FAM76A: variants seen among roughly 807,000 people sequenced by gnomAD.
The protein encoded by FAM76A is protein FAM76A.
In FAM76A, 32 loss-of-function variants were observed where a neutral mutation model predicts 46.2. The ratio of observed to expected loss-of-function variants is 0.69; its 90% CI spans 0.52 to 0.93. The LOEUF (loss-of-function observed/expected upper bound fraction) is 0.93. Ranked by LOEUF, FAM76A falls within the 40% of genes least tolerant of loss-of-function variation. The pLI is 0.00. For missense variants in FAM76A, 274 were observed against 361.5 expected, an observed-to-expected ratio of 0.76 and a Z score of 1.96; for synonymous variants, 137 against 127.0, an observed-to-expected ratio of 1.08 and a Z score of -0.53.
Position 27,759,605 on chromosome 1 carries a change from A to G in FAM76A, c.815A>G (p.Lys272Arg), listed in dbSNP as rs1399830666. The G allele has an allele frequency of 1.2e-6, 2 of 1,613,636 alleles. No individual in the cohort carries two copies. Among genetic ancestry groups the G allele is most frequent in the Non-Finnish European group, 1.7e-6 (2 of 1,179,766 alleles). ...AKMNQMEKTH[K>R]EVTEQLQAKN... ...ATGAACCAGATGGAGAAAACCCACAAAGAAGTCACAGAACAACTGCAGGTG... is the reference window on the plus strand; with the variant it reads ...ATGAACCAGATGGAGAAAACCCACAGAGAAGTCACAGAACAACTGCAGGTG... The change falls in exon 8 of 9, where the codon AAA (lysine) becomes AGA (arginine). Residue 272 changes from lysine (K) to arginine (R), a missense_variant. Transcript: ENST00000373954.
Position 27,755,268 on chromosome 1 carries a change from G to T in FAM76A, c.673G>T (p.Val225Leu), listed in dbSNP as rs1241895548. 6.2e-7 allele frequency: 1 copy of T among 1,614,222 alleles called. No homozygotes were observed. The highest frequency in any genetic ancestry group is 8.5e-7 in the Non-Finnish European group (1 of 1,180,034). ...FVIIAQLKEEVATLKKMLHQK... is the reference protein window; with the variant it reads ...FVIIAQLKEELATLKKMLHQK... ...CATCATTGCCCAACTGAAGGAAGAAGTGGCTACCCTGAAGAAGATGTTGCA... is the reference window on the plus strand; with the variant it reads ...CATCATTGCCCAACTGAAGGAAGAATTGGCTACCCTGAAGAAGATGTTGCA... The change falls in exon 7 of 9, where the codon GTG becomes TTG. Residue 225 changes from valine (V) to leucine (L), a missense_variant. Coordinates refer to ENST00000373954, the MANE Select transcript of FAM76A (RefSeq NM_152660.3).
chr1:27,738,585 AC>A (rs1446105852), intron 4 of FAM76A, among the ~76,000 whole-genome samples: 1 of 152,150 alleles, frequency 6.6e-6, no homozygotes, highest in Non-Finnish European at 1.5e-5. Flanking sequence ...GTTCATTGTT[AC>A]GTTTCTTAAC....
chr1:27,728,106 T>C (rs2087892598), intron 2 of FAM76A, among the ~76,000 whole-genome samples: 1 of 148,572 alleles, frequency 6.7e-6, no homozygotes. Context: ...ACGCCCAGCC[T>C]GCTTAAATTT....
intron 4 of FAM76A, among the ~76,000 whole-genome samples, chr1:27,737,868 C>CAAAAAAAAAAAAAAAAAAAAAAAAAAAAA (rs71571865): frequency 1.6e-5 from 1 of 62,704 alleles, no homozygotes; most frequent in African/African-American, 4.7e-5. Flanking sequence ...ACAACAACAA[C>CAAAAAAAAAAAAAAAAAAAAAAAAAAAAA]AAAAAAAAAA....
intron 4 of FAM76A, chr1:27,740,188 C>CA: frequency 1.7e-6 from 1 of 576,332 alleles, no homozygotes; most frequent in Non-Finnish European, 3.3e-6. Context: ...TGGGTAAAAT[C>CA]AATAGCTATA....
chr1:27,730,170 CT>C, intron 2 of FAM76A: 1 of 201,932 alleles, frequency 5.0e-6, no homozygotes. Context: ...TTTTTCTTTT[CT>C]TTTTCTTTTC....
rs769358664 is a variant in FAM76A at position 27,727,477 on chromosome 1, T to C, written c.87T>C (p.Cys29=). ...LSQGQQLCKE[C]RIAHPVVKCT... ...ATATCCTCATTTCATTTCAGGAATG[T>C]CGGATTGCACACCCTGTTGTGAAGT... The change falls in exon 2 of 9, where the codon TGT becomes TGC. Residue 29 remains cysteine (C), a synonymous_variant. Transcript: ENST00000373954. The C allele has an allele frequency of 2.5e-6, 4 of 1,613,570 alleles. No homozygotes were observed. The African/African-American group carries it at 5.3e-5, about 22-fold the overall frequency.
intron 8 of FAM76A, 33 bp downstream of exon 8, chr1:27,759,660 T>C: frequency 6.9e-7 from 1 of 1,439,298 alleles, no homozygotes. Context: ...TGTGCTAAAA[T>C]TGTGTACCTA....
Position 27,743,061 on chromosome 1 carries a change from C to T in FAM76A, c.355-1593C>T, listed in dbSNP as rs549827646. ...CCTGGGCAACACAGCAAGACTCTGT[C>T]TCAAAAACAAACAAACAAAAATTAT... On this transcript the variant is annotated intron_variant, in intron 4 of 8. Transcript: ENST00000373954. Among the ~76,000 whole-genome samples, 203 of 152,272 alleles carry T rather than the reference C, an allele frequency of 1.3e-3. 2 individuals carry two copies. The highest frequency in any genetic ancestry group is 4.8e-3 in the South Asian group (23 of 4,820).
intron 8 of FAM76A, chr1:27,760,217 C>T: frequency 2.7e-6 from 1 of 372,682 alleles, no homozygotes; most frequent in East Asian, 6.8e-5. Flanking sequence ...GTTTATCCAG[C>T]TCATGAAGTC....
chr1:27,730,823 TG>T (rs890284691), intron 2 of FAM76A, among the ~76,000 whole-genome samples: 5 of 151,932 alleles, frequency 3.3e-5, no homozygotes, highest in Admixed American at 1.3e-4. Context: ...ACTAGTTTTT[TG>T]TGTGTGTGTG....
At chr1:27,747,946 A>G (rs2088266942) in intron 5 of FAM76A, among the ~76,000 whole-genome samples, 1 of 151,810 alleles carries the variant, frequency 6.6e-6, no homozygotes, top group South Asian at 2.1e-4. Flanking sequence ...AAATAAAACT[A>G]GACTAGGAGT....
At chr1:27,732,832 G>A (rs1172794580) in intron 3 of FAM76A, among the ~76,000 whole-genome samples, 175 bp downstream of exon 3, 3 of 152,072 alleles carry the variant, frequency 2.0e-5, no homozygotes, top group Non-Finnish European at 4.4e-5. Context: ...AAGGAACTCT[G>A]TGTTTATGGT....
chr1:27,757,778 C>T (rs577514816), intron 7 of FAM76A, among the ~76,000 whole-genome samples: 41 of 152,206 alleles, frequency 2.7e-4, no homozygotes, highest in East Asian at 1.8e-3. Context: ...AGATCAAGAC[C>T]ATCCTGGCTA....
chr1:27,740,597 G>A (rs1571480133), intron 4 of FAM76A: 10 of 828,852 alleles, frequency 1.2e-5, no homozygotes, highest in Non-Finnish European at 5.8e-6. Context: ...TATATGTTCA[G>A]AAGCCACTCA....
intron 5 of FAM76A, among the ~76,000 whole-genome samples, chr1:27,748,510 TGGAGTGCAGTGGATTGCTG>T (rs1460466193): frequency 5.5e-5 from 8 of 145,688 alleles, no homozygotes; most frequent in South Asian, 4.5e-4. Flanking sequence ...CTCGCCAGGC[TGGAGTGCAGTGGATTGCTG>T]GGAGTGCAGT....
At chr1:27,759,772 T>C in intron 8 of FAM76A, 145 bp downstream of exon 8, 1 of 613,028 alleles carries the variant, frequency 1.6e-6, no homozygotes, top group Non-Finnish European at 2.7e-6. Context: ...TTAGGTTTTT[T>C]TTTTTTGTTT....
chr1:27,746,818 C>T (rs565321986), intron 5 of FAM76A, among the ~76,000 whole-genome samples: 2 of 152,088 alleles, frequency 1.3e-5, no homozygotes, highest in African/African-American at 4.8e-5. Flanking sequence ...GGCTTACACC[C>T]GTAAACCCAA....
At chr1:27,748,478 T>G (rs998589299) in intron 5 of FAM76A, among the ~76,000 whole-genome samples, 3 of 148,414 alleles carry the variant, frequency 2.0e-5, no homozygotes, top group Admixed American at 6.7e-5. Context: ...AGTTTTTTTT[T>G]TTTTTTTTTT....
Sources: allele counts gnomAD v4.1 joint callset (sites outside exome capture counted in the v4.1 genomes callset), GRCh38; gene constraint gnomAD v4.1.1; transcripts MANE v1.5; gene names NCBI Gene and HGNC (gene_info 2026-07-23, HGNC 2026-07-21).